The following TET3 variants were observed in gnomAD, a reference collection of about 807,000 sequenced individuals.
TET3 encodes methylcytosine dioxygenase TET3.
A neutral mutation model predicts 141.4 loss-of-function variants in TET3; 19 were observed. The ratio of observed to expected loss-of-function variants is 0.13; its 90% confidence interval spans 0.09 to 0.20. TET3 has a LOEUF of 0.20. Ranked by LOEUF, TET3 falls within the 10% of genes least tolerant of loss-of-function variation. The probability of loss-of-function intolerance (pLI) is 1.00; values close to 1 mark genes in which losing one functional copy is unlikely to be tolerated. For synonymous variants in TET3, 1,043 were observed against 980.9 expected, an observed-to-expected ratio of 1.06 and a Z score of -1.18; for missense variants, 1,874 against 2,356.9, an observed-to-expected ratio of 0.80 and a Z score of 4.24.
rs542846516 is a variant in TET3 at position 74,065,907 on chromosome 2, C to G, written c.2495-7642C>G. On this transcript the variant is annotated intron_variant, in intron 4 of 11. Coordinates refer to ENST00000409262, the MANE Select transcript of TET3 (RefSeq NM_001287491.2). ...CTGAGTAGCTGGGACTACAGGCACC[C>G]GCCACCATGCCAGCTAATTTTTTGT... 5.8e-3 allele frequency among the ~76,000 whole-genome samples: 889 copies of G among 152,014 alleles called. 2 individuals are homozygous for G. Among genetic ancestry groups the G allele is most frequent in the Non-Finnish European group, 7.6e-3 (517 of 67,960 alleles).
At chr2:74,011,657 G>A (rs1413471100) in intron 3 of TET3, among the ~76,000 whole-genome samples, 8 of 152,012 alleles carry the variant, frequency 5.3e-5, no homozygotes, top group South Asian at 2.1e-4. Flanking sequence ...CCCTATCTTC[G>A]GTGAATCCAA....
rs753404126 is a variant in TET3, at chr2:74,099,292, A to G, written c.3284A>G (p.Lys1095Arg). Residue 1095 changes from lysine (K) to arginine (R), a missense_variant, in exon 11 of 12, where the codon AAG (lysine) becomes AGG (arginine). Physicochemically the swap from Lys to Arg is conservative, Grantham distance 26 (BLOSUM62 2). Around this residue, in one of 10 missense-constraint regions of TET3, gnomAD observed 53 missense variants for 112.8 expected, o/e 0.47. Transcript: ENST00000409262. ...NGCTVVCTLT[K>R]EDNRCVGKIP... is the part of the protein sequence containing the mutation. ...TTGGGGCAGGTCTGCACCCTGACCA[A>G]GGAAGACAATCGCTGCGTGGGCAAG... 3 of 1,602,156 alleles carry G rather than the reference A, an allele frequency of 1.9e-6. No individual in the cohort carries two copies. Among genetic ancestry groups the G allele is most frequent in the African/African-American group, 2.7e-5 (2 of 74,638 alleles).
intron 3 of TET3, among the ~76,000 whole-genome samples, chr2:74,023,254 T>A (rs887290059): frequency 1.3e-5 from 2 of 152,160 alleles, no homozygotes; most frequent in African/African-American, 4.8e-5. Flanking sequence ...TTTTATTTAA[T>A]TTCGAGACAA....
chr2:74,116,431 CCAGCACTT>C, the TET3 span, among the ~76,000 whole-genome samples: 2 of 152,134 alleles, frequency 1.3e-5, no homozygotes, highest in East Asian at 3.9e-4. Flanking sequence ...GCCTGTAATC[CCAGCACTT>C]TGGGAGGCCA....
chr2:74,125,572 A>G, the TET3 span, among the ~76,000 whole-genome samples: 1 of 151,930 alleles, frequency 6.6e-6, no homozygotes, highest in Non-Finnish European at 1.5e-5. Flanking sequence ...GCATTTATAA[A>G]TAACAAAAAA....
chr2:74,097,410 G>T (rs185040988), intron 10 of TET3, among the ~76,000 whole-genome samples: 1 of 152,138 alleles, frequency 6.6e-6, no homozygotes, highest in Non-Finnish European at 1.5e-5. Flanking sequence ...CATAAAACTC[G>T]CAAAAGAAGG....
chr2:74,023,723 T>C (rs1178384264), intron 3 of TET3, among the ~76,000 whole-genome samples: 1 of 152,236 alleles, frequency 6.6e-6, no homozygotes, highest in Admixed American at 6.5e-5. Context: ...GAATATGTTT[T>C]CCTAGAAAAT....
Position 74,100,484 on chromosome 2 carries a change from C to T in TET3, c.3696C>T (p.Ser1232=), listed in dbSNP as rs755282724. 33 of 1,597,066 alleles carry T rather than the reference C, an allele frequency of 2.1e-5. No individual in the cohort carries two copies. The highest frequency in any genetic ancestry group is 5.7e-5 in the South Asian group (5 of 88,040). Residue 1232 remains serine (S), a synonymous_variant, in exon 12 of 12, where the codon AGC becomes AGT. Coordinates refer to ENST00000409262, the MANE Select transcript of TET3 (RefSeq NM_001287491.2). ...ACCACTTCAGCTCCTTCAAGTACAG[C>T]GGCAACGCGGTGGTGGAGAGCTACT... is the stretch of plus-strand genomic sequence containing the variant. The part of the protein sequence containing the change: ...PQNHFSSFKY[S]GNAVVESYSV...
chr2:74,111,784 T>C (rs1691711220), downstream of TET3, among the ~76,000 whole-genome samples: 1 of 152,212 alleles, frequency 6.6e-6, no homozygotes, highest in South Asian at 2.1e-4. Flanking sequence ...CCAGGTGTAT[T>C]TGGTGCCAAA....
At chr2:74,060,160 G>A (rs1034861518) in intron 4 of TET3, among the ~76,000 whole-genome samples, 1 of 152,330 alleles carries the variant, frequency 6.6e-6, no homozygotes, top group African/African-American at 2.4e-5. Context: ...AGCAAATGGT[G>A]CCATCCAGTC....
chr2:74,120,588 G>A, the TET3 span: 8,844 of 152,658 alleles, frequency 0.058, 505 homozygotes, highest in African/African-American at 0.15. Context: ...AAGGAGGAGC[G>A]GCTGAGGAGC....
intron 4 of TET3, among the ~76,000 whole-genome samples, chr2:74,065,688 CTTCT>C (rs1162802312): frequency 5.6e-5 from 8 of 143,742 alleles, no homozygotes; most frequent in Non-Finnish European, 7.6e-5. Flanking sequence ...CCTTTCTTTT[CTTCT>C]TTCTTTTTCT....
chr2:73,992,910 A>G (rs1684407042), intron 2 of TET3, among the ~76,000 whole-genome samples: 1 of 152,208 alleles, frequency 6.6e-6, no homozygotes, highest in African/African-American at 2.4e-5. Flanking sequence ...AGGCAAATGA[A>G]CAGATCTAGA....
chr2:74,046,956 G>T lies in TET3; in HGVS notation c.1039G>T (p.Ala347Ser). Residue 347 changes from alanine (A) to serine (S), a missense_variant, in exon 4 of 12, where the codon GCC becomes TCC. Around this residue, in one of 10 missense-constraint regions of TET3, gnomAD observed 366 missense variants for 487.0 expected, o/e 0.75. Coordinates refer to ENST00000409262, the MANE Select transcript of TET3 (RefSeq NM_001287491.2). This position sits in a 1 kb window ranked among gnomAD's most constrained non-coding sequence, Gnocchi z 4.3. ...LPLSQSALSI[A>S]KEKNISLQTA... ...CCTGTCCCAGAGTGCCCTGAGCATTGCCAAGGAAAAAAACATCAGCTTGCA... is the reference window on the plus strand; with the variant it reads ...CCTGTCCCAGAGTGCCCTGAGCATTTCCAAGGAAAAAAACATCAGCTTGCA... 1 of 1,613,914 alleles carries T rather than the reference G, an allele frequency of 6.2e-7. No homozygotes were observed. The highest frequency in any genetic ancestry group is 8.5e-7 in the Non-Finnish European group (1 of 1,179,866).
At chr2:74,066,537 G>C (rs1006896057) in intron 4 of TET3, among the ~76,000 whole-genome samples, 1 of 152,186 alleles carries the variant, frequency 6.6e-6, no homozygotes, top group Admixed American at 6.5e-5. Context: ...TTTGTTGTCA[G>C]ATTTCTTCTC....
chr2:74,054,799 A>G (rs1013855112), intron 4 of TET3, among the ~76,000 whole-genome samples: 13 of 152,174 alleles, frequency 8.5e-5, no homozygotes, highest in Non-Finnish European at 1.3e-4. Flanking sequence ...TTAATGCTGG[A>G]TTCTTTCTTG....
At chr2:74,007,023 A>G (rs72905243) in intron 3 of TET3, among the ~76,000 whole-genome samples, 7,058 of 152,246 alleles carry the variant, frequency 0.046, 423 homozygotes, top group African/African-American at 0.14. Flanking sequence ...TCCACCAAGT[A>G]TTTATCATGT....
intron 2 of TET3, among the ~76,000 whole-genome samples, chr2:73,989,888 G>T (rs965474648): frequency 2.0e-5 from 3 of 152,156 alleles, no homozygotes; most frequent in Non-Finnish European, 4.4e-5. Context: ...TGGGCAACCA[G>T]TGCTCCATCC....
chr2:74,087,997 G>A lies in TET3; in HGVS notation c.2847G>A (p.Lys949=). The A allele has an allele frequency of 1.3e-6, 2 of 1,563,110 alleles. No individual in the cohort carries two copies. The highest frequency in any genetic ancestry group is 1.4e-5 in the African/African-American group (1 of 73,570). The change falls in exon 7 of 12, where the codon AAG becomes AAA. Residue 949 remains lysine (K), a synonymous_variant. Transcript: ENST00000409262. The surrounding 1 kb of genome is among the most constrained non-coding windows in gnomAD (Gnocchi z 4.3). ...LYQELTDTLR[K]YGNPTSRRCG... Reference sequence around the variant, plus strand: ...AGGAGCTCACCGACACCCTCCGGAAGTATGGGAACCCCACCAGCCGGAGAT... The same window carrying A: ...AGGAGCTCACCGACACCCTCCGGAAATATGGGAACCCCACCAGCCGGAGAT...
Sources: allele counts gnomAD v4.1 joint callset (sites outside exome capture counted in the v4.1 genomes callset), GRCh38; gene constraint gnomAD v4.1.1; regional missense constraint gnomAD v4.1.1; non-coding constraint Gnocchi (gnomAD v3.1); transcripts MANE v1.5; gene names NCBI Gene and HGNC (gene_info 2026-07-23, HGNC 2026-07-21).